The following ABCB1 variants were observed in gnomAD, a reference collection of about 807,000 sequenced individuals.
ABCB1 encodes ATP binding cassette subfamily B member 1, also known as ATP-dependent translocase ABCB1.
A neutral mutation model predicts 142.0 loss-of-function variants in ABCB1; 69 were observed. That is an observed-to-expected ratio of 0.49 (90% confidence interval 0.40 to 0.59). The LOEUF (loss-of-function observed/expected upper bound fraction) is 0.59, where lower values mean the gene tolerates loss of function less well. Ranked by LOEUF, ABCB1 falls within the 20% of genes least tolerant of loss-of-function variation. The pLI is 0.00. For missense variants in ABCB1, 1,326 were observed against 1,554.7 expected, an observed-to-expected ratio of 0.85 and a Z score of 2.47; for synonymous variants, 532 against 539.2, an observed-to-expected ratio of 0.99 and a Z score of 0.18.
intron 21 of ABCB1, among the ~76,000 whole-genome samples, chr7:87,526,116 C>T (rs887380483): frequency 2.6e-5 from 4 of 151,320 alleles, no homozygotes; most frequent in Non-Finnish European, 5.9e-5. Flanking sequence ...TGTTTATTTG[C>T]TCTTGAGGTT....
At position 87,581,486 on chromosome 7, in the gene ABCB1, T is replaced by C. The variant is rs184528979; in HGVS notation, c.286+4026A>G. On this transcript the variant is annotated intron_variant, in intron 4 of 27. Coordinates refer to ENST00000622132, the MANE Select transcript of ABCB1 (RefSeq NM_001348946.2). ...TTTGTTTACAAAAAAAAAAGTGATA[T>C]GACAGAATCAGAGAGTTCCCTAGGC... Among the ~76,000 whole-genome samples the C allele has an allele frequency of 1.1e-3, 170 of 152,186 alleles. 1 individual carries two copies. The highest frequency in any genetic ancestry group is 4.0e-3 in the African/African-American group (165 of 41,520).
At chr7:87,640,196 A>G (rs1481929231) in intron 1 of ABCB1, among the ~76,000 whole-genome samples, 1 of 149,270 alleles carries the variant, frequency 6.7e-6, no homozygotes, top group African/African-American at 2.4e-5. Context: ...ATATGTGTAT[A>G]TATATATATA....
At chr7:87,577,589 T>C (rs1466841918) in intron 4 of ABCB1, among the ~76,000 whole-genome samples, 1 of 152,234 alleles carries the variant, frequency 6.6e-6, no homozygotes, top group African/African-American at 2.4e-5. Context: ...CCAGCATTTG[T>C]TATTGCCTAT....
At chr7:87,610,749 G>A (rs912619694) in intron 1 of ABCB1, among the ~76,000 whole-genome samples, 1 of 152,118 alleles carries the variant, frequency 6.6e-6, no homozygotes, top group Non-Finnish European at 1.5e-5. Context: ...ATTGCCACTT[G>A]GGTGGCTCTA....
At chr7:87,702,796 T>G (rs1378892273) in intron 1 of ABCB1, among the ~76,000 whole-genome samples, 1 of 152,148 alleles carries the variant, frequency 6.6e-6, no homozygotes, top group Non-Finnish European at 1.5e-5. Flanking sequence ...AGCATCACCA[T>G]GATGTTCAAA....
At chr7:87,684,630 C>T (rs1025055388) in intron 1 of ABCB1, among the ~76,000 whole-genome samples, 4 of 151,534 alleles carry the variant, frequency 2.6e-5, no homozygotes, top group Admixed American at 1.3e-4. Flanking sequence ...TGCCTGTAGC[C>T]CCAGCTACGC....
chr7:87,552,095 G>C (rs28381890), intron 9 of ABCB1, among the ~76,000 whole-genome samples: 70 of 152,250 alleles, frequency 4.6e-4, no homozygotes, highest in Non-Finnish European at 9.4e-4. Flanking sequence ...TAATTATAAA[G>C]CACACACACC....
chr7:87,506,958 C>T (rs566407126), intron 26 of ABCB1, among the ~76,000 whole-genome samples: 1 of 152,312 alleles, frequency 6.6e-6, no homozygotes, highest in Non-Finnish European at 1.5e-5. Flanking sequence ...TCTCAGAAGG[C>T]AGGAGCACTG....
chr7:87,627,409 C>G (rs1295958875), intron 1 of ABCB1: 1 of 152,202 alleles, frequency 6.6e-6, no homozygotes, highest in African/African-American at 2.4e-5. Context: ...AAAATTATGT[C>G]AAATGTGACT....
At chr7:87,629,178 A>T in intron 1 of ABCB1, 1 of 392,880 alleles carries the variant, frequency 2.5e-6, no homozygotes, top group Non-Finnish European at 4.5e-6. Context: ...TGGAGGGTAG[A>T]GCTTGGGGCG....
chr7:87,689,664 A>G (rs1282881854), intron 1 of ABCB1, among the ~76,000 whole-genome samples: 2 of 152,140 alleles, frequency 1.3e-5, no homozygotes, highest in African/African-American at 4.8e-5. Flanking sequence ...AATTTAGTGG[A>G]CTTTGTTCAT....
At chr7:87,647,949 C>A (rs1321580999) in intron 1 of ABCB1, among the ~76,000 whole-genome samples, 3 of 151,936 alleles carry the variant, frequency 2.0e-5, no homozygotes, top group African/African-American at 7.3e-5. Context: ...CTTTGGGAGG[C>A]CAAGGCAGGT....
At chr7:87,538,870 C>A (rs554219134) in intron 19 of ABCB1, among the ~76,000 whole-genome samples, 1 of 151,498 alleles carries the variant, frequency 6.6e-6, no homozygotes, top group African/African-American at 2.4e-5. Context: ...TTTTGATTTG[C>A]GGAAAGAAAG....
intron 1 of ABCB1, among the ~76,000 whole-genome samples, chr7:87,645,198 T>C (rs1046954429): frequency 6.6e-6 from 1 of 151,340 alleles, no homozygotes; most frequent in African/African-American, 2.4e-5. Flanking sequence ...TTCTCCTACC[T>C]CAGCCTCTTG....
intron 26 of ABCB1, 41 bp downstream of exon 26, chr7:87,509,234 T>G (rs771828724): frequency 6.2e-7 from 1 of 1,603,506 alleles, no homozygotes; most frequent in Non-Finnish European, 8.5e-7. Context: ...CCAGAGAGGC[T>G]GCCACATGCT....
intron 21 of ABCB1, among the ~76,000 whole-genome samples, chr7:87,522,779 A>G (rs914879867): frequency 5.9e-5 from 9 of 152,130 alleles, no homozygotes; most frequent in Admixed American, 2.0e-4. Context: ...TATTTTACAC[A>G]TTTCCATATT....
At chr7:87,703,914 G>GGT (rs1829343725) in intron 1 of ABCB1, among the ~76,000 whole-genome samples, 3 of 42,974 alleles carry the variant, frequency 7.0e-5, no homozygotes, top group African/African-American at 9.5e-5. Context: ...TTTTTTTTTG[G>GGT]TTTTTTTTTT....
chr7:87,513,636 C>T (rs1187833548), intron 25 of ABCB1, among the ~76,000 whole-genome samples: 2 of 152,176 alleles, frequency 1.3e-5, no homozygotes, highest in Non-Finnish European at 2.9e-5. Flanking sequence ...CTATTTGCTG[C>T]ATTGGGAACA....
chr7:87,673,080 G>C (rs1825994464), intron 1 of ABCB1, among the ~76,000 whole-genome samples: 1 of 152,174 alleles, frequency 6.6e-6, no homozygotes, highest in African/African-American at 2.4e-5. Flanking sequence ...CTGCTGAAAG[G>C]TTTGCTGTTT....
Sources: gnomAD v4.1 joint callset for allele counts (sites outside exome capture counted in the v4.1 genomes callset) on GRCh38, gnomAD v4.1.1 for gene constraint, MANE v1.5 for transcripts, NCBI Gene and HGNC (gene_info 2026-07-23, HGNC 2026-07-21) for gene names.